The following EWSR1 variants were observed in gnomAD, a reference collection of about 807,000 sequenced individuals.
EWSR1 encodes EWS RNA binding protein 1, also known as RNA-binding protein EWS.
Under a neutral mutation model 92.1 loss-of-function variants are expected in EWSR1, and 14 were observed. That is an observed-to-expected ratio of 0.15 (90% CI 0.10 to 0.24). The LOEUF (loss-of-function observed/expected upper bound fraction) is 0.24, where lower values mean the gene tolerates loss of function less well. EWSR1 is among the 10% of genes least tolerant of loss of function. EWSR1 has a pLI of 1.00. For missense variants in EWSR1, 637 were observed against 870.9 expected (o/e 0.73, Z 3.38); for synonymous variants, 303 against 292.9 (o/e 1.03, Z -0.35).
chr22:29,290,468 G>T, intron 8 of EWSR1: 2 of 1,613,338 alleles, frequency 1.2e-6, no homozygotes, highest in Non-Finnish European at 8.5e-7. Context: ...CCCGTACTCA[G>T]TACTCAGCCG....
At chr22:29,272,505 A>T in intron 3 of EWSR1, 74 bp downstream of exon 3, 1 of 1,444,842 alleles carries the variant, frequency 6.9e-7, no homozygotes, top group East Asian at 2.3e-5. Context: ...TCTTTCAGTT[A>T]TCCAGTAAAA....
intron 4 of EWSR1, among the ~76,000 whole-genome samples, chr22:29,274,112 A>G (rs1298901367): frequency 6.6e-6 from 1 of 152,232 alleles, no homozygotes; most frequent in Non-Finnish European, 1.5e-5. Context: ...TAATCTCACG[A>G]TGAAATGGAG....
At position 29,278,042 on chromosome 22, in the gene EWSR1, C is replaced by T; in HGVS notation, c.239C>T (p.Pro80Leu). ...TCCTTTGTTCTAGGTTATACTACTC[C>T]AACTGCCCCCCAGGCATACAGCCAG... ...YGQPPTGYTT[P>L]TAPQAYSQPV... is the part of the protein sequence containing the mutation. Residue 80 changes from proline (P) to leucine (L), a missense_variant, in exon 5 of 17, where the codon CCA becomes CTA. By Grantham distance (98) the Pro-to-Leu change is moderately conservative. Transcript: ENST00000397938. 1 of 1,613,688 alleles carries T rather than the reference C, an allele frequency of 6.2e-7. No individual in the cohort carries two copies. The highest frequency in any genetic ancestry group is 1.3e-5 in the African/African-American group (1 of 75,028).
chr22:29,286,850 T>C, intron 6 of EWSR1, 73 bp from the exon 7 acceptor site: 1 of 1,177,970 alleles, frequency 8.5e-7, no homozygotes, highest in African/African-American at 1.5e-5. Flanking sequence ...AATGTCTCTT[T>C]TATTCAGGGG....
chr22:29,299,068 G>T (rs895156839), intron 14 of EWSR1, 166 bp from the exon 15 acceptor site: 12 of 1,416,548 alleles, frequency 8.5e-6, no homozygotes, highest in African/African-American at 1.4e-5. Flanking sequence ...TCTGAAGATT[G>T]ATTTGACCTG....
rs956232939 is a variant in EWSR1 at position 29,283,514 on chromosome 22, AACTT to A, written c.581+958_581+961del. Among the ~76,000 whole-genome samples the A allele has an allele frequency of 7.3e-5, 11 of 150,506 alleles. 1 individual carries two copies. The highest frequency in any genetic ancestry group is 2.7e-4 in the African/African-American group (11 of 40,088). ...CAAGTGCATGCCACCACACCTGACTAACTTTTCTTTTTGTTTTATTGTTGTTTTG... is the reference window on the plus strand; with the variant it reads ...CAAGTGCATGCCACCACACCTGACTATTCTTTTTGTTTTATTGTTGTTTTG... On this transcript the variant is annotated intron_variant, in intron 6 of 16. Transcript: ENST00000397938.
chr22:29,298,844 C>G lies in EWSR1; in HGVS notation c.1529C>G (p.Ser510Cys). The change falls in exon 14 of 17, where the codon TCT becomes TGT. Residue 510 changes from serine to cysteine, a missense_variant. Around this residue, in one of 5 missense-constraint regions of EWSR1, gnomAD observed 363 missense variants for 447.8 expected, o/e 0.81. Coordinates refer to ENST00000397938, the MANE Select transcript of EWSR1 (RefSeq NM_005243.4). ...RGPRGSRGNP[S>C]GGGNVQHRAG... is the part of the protein sequence containing the mutation. ...CCCCGGGGTTCCCGAGGGAACCCCT[C>G]TGGAGGAGGAAACGTCCAGCACCGA... 1.9e-6 allele frequency: 3 copies of G among 1,585,972 alleles called. No homozygotes were observed. The highest frequency in any genetic ancestry group is 1.2e-5 in the South Asian group (1 of 86,800).
At chr22:29,299,900 A>G (rs1231775189) in intron 16 of EWSR1, 49 bp downstream of exon 16, 11 of 1,532,808 alleles carry the variant, frequency 7.2e-6, no homozygotes, top group Non-Finnish European at 7.9e-6. Flanking sequence ...CAGTAAGAGG[A>G]CAGCCCTTCC....
In EWSR1 at chr22:29,286,945, A is replaced by G; in HGVS notation, c.604A>G (p.Ser202Gly). The G allele has an allele frequency of 6.2e-7, 1 of 1,612,168 alleles. No homozygotes were observed. The highest frequency in any genetic ancestry group is 8.5e-7 in the Non-Finnish European group (1 of 1,179,530). ...PTSYSSTQPT[S>G]YDQSSYSQQN... is the part of the protein sequence containing the mutation. ...CAGCTATTCCTCTACACAGCCGACTAGTTATGATCAGAGCAGTTACTCTCA... is the reference window on the plus strand; with the variant it reads ...CAGCTATTCCTCTACACAGCCGACTGGTTATGATCAGAGCAGTTACTCTCA... Residue 202 changes from serine (S) to glycine (G), a missense_variant, in exon 7 of 17, where the codon AGT becomes GGT. This residue lies in a region of EWSR1 where 116 missense variants were observed against 167.8 expected (regional missense o/e 0.69). Coordinates refer to ENST00000397938, the MANE Select transcript of EWSR1 (RefSeq NM_005243.4).
At chr22:29,282,698 C>T (rs1297604709) in intron 6 of EWSR1, 141 bp downstream of exon 6, 5 of 576,832 alleles carry the variant, frequency 8.7e-6, no homozygotes, top group Non-Finnish European at 1.4e-5. Flanking sequence ...TACTTGGTTA[C>T]ATTAAAGCCT....
At position 29,282,344 on chromosome 22, in the gene EWSR1, A is replaced by C. The variant is rs768612993; in HGVS notation, c.414-46A>C. 8 of 1,492,870 alleles carry C rather than the reference A, an allele frequency of 5.4e-6. No homozygotes were observed. In the African/African-American group the frequency reaches 1.1e-4, roughly 21 times the overall value. The allele number at this position is 1,492,870 out of a possible 1,614,324, so 92.5% of individuals were successfully genotyped here. A position where few individuals can be genotyped will look rare whatever the true frequency, so the allele number is the denominator to read the frequency against. On this transcript the variant is annotated intron_variant, in intron 5 of 16. Coordinates refer to ENST00000397938, the MANE Select transcript of EWSR1 (RefSeq NM_005243.4). ...AGGAGTTTTGTGGTTGACCAACCACACAAAAAAAGTCACTTTTTAATTTTA... is the reference window on the plus strand; with the variant it reads ...AGGAGTTTTGTGGTTGACCAACCACCCAAAAAAAGTCACTTTTTAATTTTA...
At chr22:29,268,968 T>C (rs988258463) in intron 1 of EWSR1, among the ~76,000 whole-genome samples, 13 of 152,198 alleles carry the variant, frequency 8.5e-5, no homozygotes, top group African/African-American at 2.9e-4. Context: ...TCGCCTGGGC[T>C]TTAGACAGAA....
chr22:29,274,702 A>G (rs1009736728), intron 4 of EWSR1, among the ~76,000 whole-genome samples: 7 of 152,106 alleles, frequency 4.6e-5, no homozygotes, highest in Admixed American at 4.6e-4. Context: ...TTTAAGTGTT[A>G]TGAATTATTT....
intron 13 of EWSR1, among the ~76,000 whole-genome samples, 163 bp from the exon 14 acceptor site, chr22:29,298,568 TCA>T (rs1373791307): frequency 6.6e-6 from 1 of 151,504 alleles, no homozygotes; most frequent in Non-Finnish European, 1.5e-5. Flanking sequence ...AACACGCTCC[TCA>T]CAGGGAAGGG....
chr22:29,284,817 G>C (rs2059895804), intron 6 of EWSR1, among the ~76,000 whole-genome samples: 1 of 151,144 alleles, frequency 6.6e-6, no homozygotes, highest in South Asian at 2.1e-4. Context: ...GTTTTTGTGT[G>C]TGTTTTGTTT....
Position 29,286,908 on chromosome 22 carries a change from TTCTC to T in EWSR1, c.582-9_582-6del, listed in dbSNP as rs746899874. 34 of 1,596,890 alleles carry T rather than the reference TTCTC, an allele frequency of 2.1e-5. No individual in the cohort carries two copies. The highest frequency in any genetic ancestry group is 6.9e-5 in the Admixed American group (4 of 57,952). On this transcript the variant is annotated splice_polypyrimidine_tract_variant and intron_variant, in intron 6 of 16. Coordinates refer to ENST00000397938, the MANE Select transcript of EWSR1 (RefSeq NM_005243.4). ...CTAAAAAAGCTTTTTTTTTTTTCTC[TTCTC>T]TCTCTTTCAGCTATTCCTCTACACA...
At chr22:29,300,021 T>A in intron 16 of EWSR1, 101 bp from the exon 17 acceptor site, 2 of 515,976 alleles carry the variant, frequency 3.9e-6, no homozygotes, top group Non-Finnish European at 2.5e-6. Flanking sequence ...CCCCTTCCCA[T>A]TCTAACCGAT....
At chr22:29,273,668 A>G (rs572746680) in intron 3 of EWSR1, 73 bp from the exon 4 acceptor site, 47 of 1,541,998 alleles carry the variant, frequency 3.0e-5, no homozygotes, top group Non-Finnish European at 4.0e-5. Context: ...TGGTTCTCCA[A>G]TTTAGTCCAT....
At chr22:29,270,898 A>G (rs752295989) in intron 1 of EWSR1, among the ~76,000 whole-genome samples, 83 of 152,140 alleles carry the variant, frequency 5.5e-4, no homozygotes, top group Admixed American at 1.2e-3. Context: ...TTTTTTCATT[A>G]TAGGTTAGCC....
Sources: gnomAD v4.1 joint callset for allele counts (sites outside exome capture counted in the v4.1 genomes callset) on GRCh38, gnomAD v4.1.1 for gene constraint, gnomAD v4.1.1 regional missense constraint, MANE v1.5 for transcripts, NCBI Gene and HGNC (gene_info 2026-07-23, HGNC 2026-07-21) for gene names.